UGGT2: variants seen among roughly 807,000 people sequenced by gnomAD.
UGGT2 encodes UDP-glucose glycoprotein glucosyltransferase 2, also known as UDP-glucose:glycoprotein glucosyltransferase 2.
UGGT2 carries 180 observed loss-of-function variants against 192.1 expected under a neutral mutation model. The observed-to-expected ratio is 0.94, with a 90% confidence interval of 0.83 to 1.06. UGGT2 has a LOEUF of 1.06. Among genes scored for constraint, UGGT2 ranks in the 50% least tolerant of loss-of-function variants. The probability of loss-of-function intolerance (pLI) is 0.00; values close to 1 mark genes in which losing one functional copy is unlikely to be tolerated. For synonymous variants in UGGT2, 580 were observed against 591.0 expected (o/e 0.98, Z 0.27); for missense variants, 1,849 against 1,795.7 (o/e 1.03, Z -0.54).
At chr13:95,912,924 A>T (rs2048551404) in intron 20 of UGGT2, among the ~76,000 whole-genome samples, 1 of 152,236 alleles carries the variant, frequency 6.6e-6, no homozygotes, top group Non-Finnish European at 1.5e-5. Flanking sequence ...AGCCCTCAGA[A>T]ATAATACCAC....
At chr13:95,966,657 C>T (rs1039609554) in intron 12 of UGGT2, among the ~76,000 whole-genome samples, 1 of 152,038 alleles carries the variant, frequency 6.6e-6, no homozygotes, top group African/African-American at 2.4e-5. Context: ...AAGAAAATAT[C>T]ACATGAATCT....
At position 95,842,091 on chromosome 13, in the gene UGGT2, T is replaced by C. The variant is rs189136504; in HGVS notation, c.4285-4889A>G. Among the ~76,000 whole-genome samples the C allele has an allele frequency of 1.3e-5, 2 of 152,344 alleles. 1 individual carries two copies. The highest frequency in any genetic ancestry group is 2.9e-5 in the Non-Finnish European group (2 of 68,036). ...ACTACTGGGCATAAAGAATTTTACATATGTATATTTCTGTGAAACCATCAC... is the reference window on the plus strand; with the variant it reads ...ACTACTGGGCATAAAGAATTTTACACATGTATATTTCTGTGAAACCATCAC... On this transcript the variant is annotated intron_variant, in intron 36 of 38. Transcript: ENST00000376747.
chr13:96,026,100 T>C (rs1489024116), intron 2 of UGGT2, among the ~76,000 whole-genome samples: 1 of 151,920 alleles, frequency 6.6e-6, no homozygotes, highest in African/African-American at 2.4e-5. Context: ...GAATTAAAAA[T>C]AATGAACTTA....
Position 95,902,870 on chromosome 13 carries a change from T to C in UGGT2, c.2486A>G (p.Lys829Arg), listed in dbSNP as rs1322721601. The C allele has an allele frequency of 3.1e-6, 5 of 1,612,946 alleles. No homozygotes were observed. Among genetic ancestry groups the C allele is most frequent in the African/African-American group, 1.3e-5 (1 of 75,016 alleles). ...ATAIYSGDKI[K>R]TFLIEGMDKN... is the part of the protein sequence containing the mutation. ...GCTACTGACCTCAATAAGGAATGTTTTAATTTTATCTCCAGAGTAAATAGC... is the reference window on the plus strand; with the variant it reads ...GCTACTGACCTCAATAAGGAATGTTCTAATTTTATCTCCAGAGTAAATAGC... Residue 829 changes from lysine (K) to arginine (R), a missense_variant, in exon 21 of 39, where the codon AAA (lysine) becomes AGA (arginine). Lys to Arg is a conservative substitution (Grantham distance 26, BLOSUM62 2). Coordinates refer to ENST00000376747, the MANE Select transcript of UGGT2 (RefSeq NM_020121.4).
chr13:95,887,418 A>C (rs1402751766), intron 26 of UGGT2: 1 of 427,050 alleles, frequency 2.3e-6, no homozygotes, highest in Non-Finnish European at 4.7e-6. Context: ...TTATTTCAAC[A>C]GAAGAGTGTT....
intron 8 of UGGT2, among the ~76,000 whole-genome samples, chr13:95,988,335 G>A (rs891554734): frequency 1.3e-5 from 2 of 152,082 alleles, no homozygotes; most frequent in Non-Finnish European, 2.9e-5. Flanking sequence ...TTGACACAAG[G>A]CCAAAATCAG....
At chr13:95,822,347 A>G (rs1458020915) in intron 38 of UGGT2, among the ~76,000 whole-genome samples, 1 of 152,008 alleles carries the variant, frequency 6.6e-6, no homozygotes, top group Non-Finnish European at 1.5e-5. Flanking sequence ...TAGCTTGGTC[A>G]TCCTTCGTGT....
At chr13:96,005,049 A>G (rs2051930052) in intron 5 of UGGT2, among the ~76,000 whole-genome samples, 1 of 152,180 alleles carries the variant, frequency 6.6e-6, no homozygotes, top group African/African-American at 2.4e-5. Flanking sequence ...CTTCAACTTT[A>G]TTTTTAAAGT....
At chr13:95,931,617 G>A (rs970007704) in intron 17 of UGGT2, among the ~76,000 whole-genome samples, 3 of 152,118 alleles carry the variant, frequency 2.0e-5, no homozygotes, top group African/African-American at 7.2e-5. Flanking sequence ...CCCAGGGGGA[G>A]GCAGATGAGG....
At chr13:95,855,584 A>G (rs1039113875) in intron 34 of UGGT2, among the ~76,000 whole-genome samples, 4 of 149,594 alleles carry the variant, frequency 2.7e-5, no homozygotes, top group East Asian at 4.0e-4. Context: ...GTGCAGTGGC[A>G]TGATTATATC....
At chr13:95,814,845 A>C (rs1321877305) in intron 38 of UGGT2, among the ~76,000 whole-genome samples, 1 of 152,226 alleles carries the variant, frequency 6.6e-6, no homozygotes, top group Admixed American at 6.5e-5. Context: ...ATTTCAGGAA[A>C]TTAAAACCAG....
rs1339452048 is a variant in UGGT2, at chr13:95,885,649, G to GGT, written c.3039-971_3039-970dup. ...TTTCAGAGTGTGAGTCCCAGGCAGT[G>GGT]GTGATCACTGGGAGCCATGTTATGC... On this transcript the variant is annotated intron_variant, in intron 26 of 38. Coordinates refer to ENST00000376747, the MANE Select transcript of UGGT2 (RefSeq NM_020121.4). Among the ~76,000 whole-genome samples, 3 of 152,268 alleles carry GGT rather than the reference G, an allele frequency of 2.0e-5. No homozygotes were observed. The East Asian group carries it at 5.8e-4, about 29-fold the overall frequency.
intron 1 of UGGT2, among the ~76,000 whole-genome samples, chr13:96,046,981 T>C (rs2053332541): frequency 6.6e-6 from 1 of 152,206 alleles, no homozygotes; most frequent in Non-Finnish European, 1.5e-5. Flanking sequence ...AAGCTTGAAC[T>C]GGGTGGAGCC....
chr13:95,819,540 ATGTAT>A (rs569188973), intron 38 of UGGT2, among the ~76,000 whole-genome samples: 53,614 of 151,986 alleles, frequency 0.35, 9,909 homozygotes, highest in Non-Finnish European at 0.41. Context: ...ATATGTATAT[ATGTAT>A]GTATGTATCT....
intron 21 of UGGT2, 106 bp downstream of exon 21, chr13:95,902,748 A>T: frequency 9.1e-7 from 1 of 1,100,552 alleles, no homozygotes; most frequent in Non-Finnish European, 1.3e-6. Flanking sequence ...TATTATCTTC[A>T]TTTGTTTAAA....
intron 36 of UGGT2, among the ~76,000 whole-genome samples, chr13:95,852,605 T>C (rs1020502859): frequency 1.3e-5 from 2 of 152,220 alleles, no homozygotes; most frequent in Non-Finnish European, 2.9e-5. Flanking sequence ...ATCTGGCACA[T>C]AGCAGGTATT....
chr13:95,965,582 G>A (rs1203299920), intron 12 of UGGT2, among the ~76,000 whole-genome samples: 3 of 138,994 alleles, frequency 2.2e-5, no homozygotes, highest in South Asian at 2.5e-4. Flanking sequence ...TCACACTCTG[G>A]GGTCTGTTGT....
intron 1 of UGGT2, among the ~76,000 whole-genome samples, chr13:96,047,085 C>T (rs918592205): frequency 6.6e-6 from 1 of 152,224 alleles, no homozygotes; most frequent in African/African-American, 2.4e-5. Flanking sequence ...CTTCTGCACA[C>T]TTATATGTCC....
intron 1 of UGGT2, 93 bp from the exon 2 acceptor site, chr13:96,032,064 G>A: frequency 2.5e-6 from 2 of 811,590 alleles, no homozygotes; most frequent in South Asian, 2.1e-5. Flanking sequence ...TATATCTATG[G>A]CAAAAACAAA....
Sources: allele counts gnomAD v4.1 joint callset (sites outside exome capture counted in the v4.1 genomes callset), GRCh38; gene constraint gnomAD v4.1.1; transcripts MANE v1.5; gene names NCBI Gene and HGNC (gene_info 2026-07-23, HGNC 2026-07-21).